Variants in DEFB124 observed in about 807,000 individuals in gnomAD.
The protein encoded by DEFB124 is defensin beta 124.
For missense variants in DEFB124, 78 were observed against 83.1 expected (o/e 0.94, Z 0.24); for synonymous variants, 38 against 36.5 (o/e 1.04, Z -0.15).
Position 31,467,126 on chromosome 20 carries a change from A to G in DEFB124, c.59-1463T>C, listed in dbSNP as rs187429183. ...ACTGTTAAATGACATTTCTGGACAT[A>G]CAACCTCAGACTAGCAGAGAACAAG... On this transcript the variant is annotated intron_variant, in intron 2 of 2. Coordinates refer to ENST00000317676, the MANE Select transcript of DEFB124 (RefSeq NM_001037500.2). Among the ~76,000 whole-genome samples the G allele has an allele frequency of 5.9e-5, 9 of 152,332 alleles. No homozygotes were observed. The East Asian group carries it at 1.7e-3, about 29-fold the overall frequency.
intron 2 of DEFB124, 132 bp downstream of exon 2, chr20:31,472,824 G>GTCAGTGGTGGGGCCAGAACT: frequency 8.7e-7 from 1 of 1,152,008 alleles, no homozygotes; most frequent in Non-Finnish European, 1.2e-6. Flanking sequence ...TGCCCACCAA[G>GTCAGTGGTGGGGCCAGAACT]TCAGTGGTGG....
intron 2 of DEFB124, among the ~76,000 whole-genome samples, chr20:31,471,463 C>T (rs1460931988): frequency 8.6e-6 from 1 of 116,160 alleles, no homozygotes; most frequent in Non-Finnish European, 1.8e-5. Context: ...GGGGGACTGA[C>T]CCCCCCCACC....
chr20:31,471,746 G>A (rs1419115282), intron 2 of DEFB124, among the ~76,000 whole-genome samples: 1 of 147,818 alleles, frequency 6.8e-6, no homozygotes, highest in Non-Finnish European at 1.5e-5. Flanking sequence ...TGGCAGAGGC[G>A]CTCCTCACAT....
chr20:31,471,260 T>C (rs375787355), intron 2 of DEFB124, among the ~76,000 whole-genome samples: 3 of 110,690 alleles, frequency 2.7e-5, no homozygotes, highest in Admixed American at 1.8e-4. Context: ...TAGGGGCGGC[T>C]GGGCAGAGGC....
chr20:31,469,904 C>G (rs1334384461), intron 2 of DEFB124, among the ~76,000 whole-genome samples: 1 of 148,468 alleles, frequency 6.7e-6, no homozygotes, highest in African/African-American at 2.6e-5. Context: ...CACCTTTCCT[C>G]CCTTTCTATT....
chr20:31,470,478 G>T (rs1408088410), intron 2 of DEFB124, among the ~76,000 whole-genome samples: 1 of 135,284 alleles, frequency 7.4e-6, no homozygotes, highest in African/African-American at 2.8e-5. Context: ...CTGGCAGAGG[G>T]GCTCCTCACT....
intron 2 of DEFB124, 129 bp downstream of exon 2, chr20:31,472,827 A>G (rs1980371038): frequency 1.7e-6 from 2 of 1,182,126 alleles, no homozygotes; most frequent in Non-Finnish European, 1.1e-6. Flanking sequence ...CCACCAAGTC[A>G]GTGGTGGGGC....
chr20:31,468,771 G>A (rs1430249700), intron 2 of DEFB124, among the ~76,000 whole-genome samples: 3 of 150,198 alleles, frequency 2.0e-5, no homozygotes, highest in South Asian at 2.3e-4. Flanking sequence ...CACCGCGCCC[G>A]GCCAGGGTTC....
intron 2 of DEFB124, among the ~76,000 whole-genome samples, chr20:31,471,355 C>CT (rs1555834095): frequency 1.9e-4 from 1 of 5,224 alleles, no homozygotes; most frequent in African/African-American, 1.2e-3. Context: ...GCTGGCCGGG[C>CT]GGGGGCTGAC....
Position 31,465,633 on chromosome 20 carries a change from CCCTT to C in DEFB124, c.85_88del (p.Lys29ValfsTer31). On this transcript the variant is annotated frameshift_variant, in exon 3 of 3. Transcript: ENST00000317676. LOFTEE classifies it low-confidence loss of function (END_TRUNC). ...GCAGTAAGTTTGGCAGGCCCCTTGA[CCCTT>C]CCAGCACCGTTTGAATTCACTTCTC... The C allele has an allele frequency of 6.2e-7, 1 of 1,614,040 alleles. No individual in the cohort carries two copies. The highest frequency in any genetic ancestry group is 1.3e-5 in the African/African-American group (1 of 75,024).
chr20:31,466,370 C>T (rs1021073599), intron 2 of DEFB124, among the ~76,000 whole-genome samples: 12 of 151,792 alleles, frequency 7.9e-5, no homozygotes, highest in Admixed American at 4.6e-4. Context: ...GAGGCTGAGG[C>T]GGGTGGATCA....
intron 2 of DEFB124, among the ~76,000 whole-genome samples, chr20:31,470,163 T>G (rs755163374): frequency 3.1e-5 from 2 of 65,308 alleles, no homozygotes; most frequent in Middle Eastern, 9.3e-3. Flanking sequence ...CGGGCAGAGG[T>G]GCCCCTCACC....
At chr20:31,470,501 C>T (rs867830119) in intron 2 of DEFB124, among the ~76,000 whole-genome samples, 77 of 131,328 alleles carry the variant, frequency 5.9e-4, no homozygotes, top group African/African-American at 2.2e-3. Context: ...CCAGTAGGGG[C>T]GGCTGGGCAG....
rs758999756 is a variant in DEFB124, at chr20:31,468,197, G to A, written c.59-2534C>T. Among the ~76,000 whole-genome samples, 101 of 152,108 alleles carry A rather than the reference G, an allele frequency of 6.6e-4. 1 individual carries two copies. The highest frequency in any genetic ancestry group is 2.7e-3 in the Admixed American group (41 of 15,276). On this transcript the variant is annotated intron_variant, in intron 2 of 2. Transcript: ENST00000317676. The stretch of plus-strand genomic sequence containing the variant: ...CACCAATTTCCTTTGTGCTCCCCCC[G>A]CTAGCCACACCAACCTCCTTGCTGC...
intron 2 of DEFB124, among the ~76,000 whole-genome samples, chr20:31,467,558 A>C (rs1274961227): frequency 6.6e-6 from 1 of 152,186 alleles, no homozygotes; most frequent in Non-Finnish European, 1.5e-5. Context: ...GGCACGTAGT[A>C]AATGCTCAAT....
chr20:31,473,102 T>A, intron 1 of DEFB124, 64 bp from the exon 2 acceptor site: 1 of 1,461,240 alleles, frequency 6.8e-7, no homozygotes, highest in Non-Finnish European at 9.4e-7. Context: ...GCCCAGGCTT[T>A]ATTGAGCTGC....
At chr20:31,472,346 G>A (rs1980350688) in intron 2 of DEFB124, among the ~76,000 whole-genome samples, 6 of 151,858 alleles carry the variant, frequency 4.0e-5, no homozygotes, top group Admixed American at 2.6e-4. Context: ...GAGCCGAGAT[G>A]GCAGCAGTAC....
intron 2 of DEFB124, among the ~76,000 whole-genome samples, chr20:31,470,386 C>A (rs1312551157): frequency 1.5e-5 from 2 of 131,024 alleles, no homozygotes; most frequent in African/African-American, 2.8e-5. Context: ...GGGGGCTGAC[C>A]CCCCCACCTC....
At chr20:31,471,366 C>A (rs1427064033) in intron 2 of DEFB124, among the ~76,000 whole-genome samples, 3 of 105,152 alleles carry the variant, frequency 2.9e-5, no homozygotes, top group Non-Finnish European at 4.0e-5. Flanking sequence ...GGGGGCTGAC[C>A]CCCCCACCTC....
Sources: allele counts gnomAD v4.1 joint callset (sites outside exome capture counted in the v4.1 genomes callset), GRCh38; gene constraint gnomAD v4.1.1; transcripts MANE v1.5; gene names NCBI Gene and HGNC (gene_info 2026-07-23, HGNC 2026-07-21).